Variants in DIP2B observed in about 807,000 individuals in gnomAD.
DIP2B encodes the protein DIP2 acetate--CoA ligase B (putative).
Under a neutral mutation model 198.0 loss-of-function variants are expected in DIP2B, and 76 were observed. The ratio of observed to expected loss-of-function variants is 0.38; its 90% CI spans 0.32 to 0.46. The LOEUF (loss-of-function observed/expected upper bound fraction) is 0.46. Among genes scored for constraint, DIP2B ranks in the 20% least tolerant of loss-of-function variants. The probability of loss-of-function intolerance (pLI) is 0.99; values close to 1 mark genes in which losing one functional copy is unlikely to be tolerated. For missense variants in DIP2B, 1,559 were observed against 1,978.4 expected (o/e 0.79, Z 4.02); for synonymous variants, 701 against 739.1 (o/e 0.95, Z 0.84).
chr12:50,630,361 T>G (rs926041924), intron 2 of DIP2B, among the ~76,000 whole-genome samples: 1 of 152,112 alleles, frequency 6.6e-6, no homozygotes, highest in East Asian at 1.9e-4. Context: ...CCTCTTGTCT[T>G]TCTTCTCTTC....
At position 50,745,323 on chromosome 12, in the gene DIP2B, C is replaced by A. The variant is rs1317886574; in HGVS notation, c.*484C>A. On this transcript the variant is annotated 3_prime_UTR_variant, in exon 38 of 38. Transcript: ENST00000301180. ...GTCAACCCATAAGCAAATCAGATAA[C>A]CCACTGACTATGAGAATTACTTTAT... 1 of 164,342 alleles carries A rather than the reference C, an allele frequency of 6.1e-6. No individual in the cohort carries two copies. Among genetic ancestry groups the A allele is most frequent in the Non-Finnish European group, 1.3e-5 (1 of 74,104 alleles). 10.2% of individuals were successfully genotyped at this position (164,342 alleles called of 1,614,324 possible). A position where few individuals can be genotyped will look rare whatever the true frequency, so the allele number is the denominator to read the frequency against.
At chr12:50,669,137 G>A (rs997373593) in intron 4 of DIP2B, among the ~76,000 whole-genome samples, 4 of 151,992 alleles carry the variant, frequency 2.6e-5, no homozygotes, top group African/African-American at 7.3e-5. Context: ...CCCATCCTGC[G>A]AAACCCTTTG....
At position 50,620,320 on chromosome 12, in the gene DIP2B, G is replaced by C. The variant is rs541819956; in HGVS notation, c.101-5656G>C. On this transcript the variant is annotated intron_variant, in intron 1 of 37. Coordinates refer to ENST00000301180, the MANE Select transcript of DIP2B (RefSeq NM_173602.3). Reference sequence around the variant, plus strand: ...CTTGAAGATGATTTGTGGGCCACTTGTGCCAAGCTGTTTTCATTGATCCCA... The same window carrying C: ...CTTGAAGATGATTTGTGGGCCACTTCTGCCAAGCTGTTTTCATTGATCCCA... Among the ~76,000 whole-genome samples the C allele has an allele frequency of 2.6e-5, 4 of 152,312 alleles. No homozygotes were observed. In the South Asian group the frequency reaches 8.3e-4, roughly 32 times the overall value.
At chr12:50,667,066 G>A (rs1938767528) in intron 4 of DIP2B, among the ~76,000 whole-genome samples, 1 of 152,140 alleles carries the variant, frequency 6.6e-6, no homozygotes, top group African/African-American at 2.4e-5. Context: ...ACAGGTTTTT[G>A]TCATGTTGCC....
chr12:50,677,733 C>T (rs746146408), intron 7 of DIP2B, among the ~76,000 whole-genome samples: 4 of 151,914 alleles, frequency 2.6e-5, no homozygotes, highest in Non-Finnish European at 5.9e-5. Flanking sequence ...GAAATATTCA[C>T]CCCCAATCTC....
chr12:50,659,538 A>G (rs998812342), intron 3 of DIP2B, among the ~76,000 whole-genome samples: 8 of 151,654 alleles, frequency 5.3e-5, no homozygotes, highest in Non-Finnish European at 7.4e-5. Flanking sequence ...TTGTGGAACT[A>G]TAGAGTGACC....
chr12:50,670,353 A>G (rs1166312257), intron 4 of DIP2B, among the ~76,000 whole-genome samples: 1 of 152,046 alleles, frequency 6.6e-6, no homozygotes, highest in Non-Finnish European at 1.5e-5. Context: ...GTCCAGGCTA[A>G]GGATTGTTTA....
chr12:50,734,106 A>G (rs1416846393), intron 32 of DIP2B, 29 bp from the exon 33 acceptor site: 3 of 1,612,236 alleles, frequency 1.9e-6, no homozygotes, highest in Admixed American at 3.3e-5. Context: ...TCGAAATTCT[A>G]AACAACGCAT....
rs746644380 is a variant in DIP2B, at chr12:50,721,322, A to G, written c.3092A>G (p.Glu1031Gly). Reference sequence around the variant, plus strand: ...TGCCTTCAGCTTCATAAGCGAGCAGAGAGGATTGCATCTGTTCTTGGTGAT... The same window carrying G: ...TGCCTTCAGCTTCATAAGCGAGCAGGGAGGATTGCATCTGTTCTTGGTGAT... ...ASCLQLHKRAERIASVLGDKG... is the reference protein window; with the variant it reads ...ASCLQLHKRAGRIASVLGDKG... The change falls in exon 26 of 38, where the codon GAG becomes GGG. Residue 1031 changes from glutamate (E) to glycine (G), a missense_variant. Glu to Gly is a moderately conservative substitution (Grantham distance 98, BLOSUM62 -2). Transcript: ENST00000301180. 1 of 1,614,208 alleles carries G rather than the reference A, an allele frequency of 6.2e-7. No individual in the cohort carries two copies. Among genetic ancestry groups the G allele is most frequent in the South Asian group, 1.1e-5 (1 of 91,086 alleles).
chr12:50,662,790 A>G (rs1211378429), intron 4 of DIP2B, among the ~76,000 whole-genome samples: 1 of 152,194 alleles, frequency 6.6e-6, no homozygotes, highest in Non-Finnish European at 1.5e-5. Context: ...AGTCTTTAAA[A>G]AAAAAATGAG....
intron 22 of DIP2B, among the ~76,000 whole-genome samples, chr12:50,710,734 C>T (rs1389037854): frequency 2.6e-5 from 4 of 152,028 alleles, no homozygotes; most frequent in Non-Finnish European, 5.9e-5. Context: ...TGCTAGATGA[C>T]TTTTAATATT....
chr12:50,556,806 T>G (rs1052850263), intron 1 of DIP2B, among the ~76,000 whole-genome samples: 4 of 152,106 alleles, frequency 2.6e-5, no homozygotes, highest in Non-Finnish European at 4.4e-5. Context: ...ACCACCCAGG[T>G]TCAAGTGATT....
intron 1 of DIP2B, among the ~76,000 whole-genome samples, chr12:50,594,061 C>T (rs1958858373): frequency 6.7e-6 from 1 of 149,974 alleles, no homozygotes; most frequent in Non-Finnish European, 1.5e-5. Context: ...CTGCCTCAGC[C>T]TCCTGAGTAG....
intron 1 of DIP2B, among the ~76,000 whole-genome samples, chr12:50,598,403 C>T (rs569957517): frequency 6.6e-6 from 1 of 152,184 alleles, no homozygotes; most frequent in South Asian, 2.1e-4. Context: ...TCCTCCCTCA[C>T]ACTACCCTCC....
chr12:50,715,272 A>G (rs750763747), intron 23 of DIP2B, among the ~76,000 whole-genome samples: 20 of 152,162 alleles, frequency 1.3e-4, no homozygotes, highest in Non-Finnish European at 2.2e-4. Flanking sequence ...CAGTGCCTTG[A>G]AGTAGCAAGC....
intron 1 of DIP2B, among the ~76,000 whole-genome samples, chr12:50,543,895 G>A (rs1447708562): frequency 7.2e-6 from 1 of 139,412 alleles, no homozygotes; most frequent in Non-Finnish European, 1.5e-5. Context: ...ATGAACTCCA[G>A]TCTGGGCGAC....
intron 19 of DIP2B, among the ~76,000 whole-genome samples, chr12:50,699,749 G>T (rs910330407): frequency 1.1e-4 from 17 of 152,152 alleles, no homozygotes; most frequent in African/African-American, 3.9e-4. Flanking sequence ...TGTGGTCCCA[G>T]CTACTCGAAA....
rs758354739 is a variant in DIP2B, at chr12:50,706,553, G to A, written c.2422G>A (p.Val808Met). The stretch of plus-strand genomic sequence containing the variant: ...TACCTTTCAGGGTAGTTTGGTGTTC[G>A]TGGTTGGGAAAATGGATGGCTTACT... ...GFVGPGSLVFVVGKMDGLLMV... is the reference protein window; with the variant it reads ...GFVGPGSLVFMVGKMDGLLMV... Residue 808 changes from valine (V) to methionine (M), a missense_variant, in exon 21 of 38, where the codon GTG becomes ATG. Coordinates refer to ENST00000301180, the MANE Select transcript of DIP2B (RefSeq NM_173602.3). 1.9e-6 allele frequency: 3 copies of A among 1,613,978 alleles called. No homozygotes were observed. The highest frequency in any genetic ancestry group is 1.7e-5 in the Admixed American group (1 of 60,018).
intron 1 of DIP2B, among the ~76,000 whole-genome samples, chr12:50,538,553 A>G (rs10876051): frequency 0.26 from 39,227 of 152,100 alleles, 5,636 homozygotes; most frequent in East Asian, 0.39. Context: ...GTTGCAGTCA[A>G]CAGTGTCTCT....
Sources: gnomAD v4.1 joint callset for allele counts (sites outside exome capture counted in the v4.1 genomes callset) on GRCh38, gnomAD v4.1.1 for gene constraint, MANE v1.5 for transcripts, NCBI Gene and HGNC (gene_info 2026-07-23, HGNC 2026-07-21) for gene names.